GRK1: variants seen among roughly 807,000 people sequenced by gnomAD.
The protein encoded by GRK1 is rhodopsin kinase GRK1.
In GRK1, 28 loss-of-function variants were observed where a neutral mutation model predicts 41.7. The ratio of observed to expected loss-of-function variants is 0.67; its 90% confidence interval spans 0.50 to 0.92. The LOEUF is 0.92. GRK1 is among the 40% of genes least tolerant of loss of function. The probability of loss-of-function intolerance (pLI) is 0.00; values close to 1 mark genes in which losing one functional copy is unlikely to be tolerated. For synonymous variants in GRK1, 327 were observed against 286.7 expected (o/e 1.14, Z -1.42); for missense variants, 703 against 671.2 (o/e 1.05, Z -0.52).
At chr13:113,651,907 ACT>A in the GRK1 span, among the ~76,000 whole-genome samples, 1 of 152,046 alleles carries the variant, frequency 6.6e-6, no homozygotes, top group Non-Finnish European at 1.5e-5. Context: ...GGTGTCACTA[ACT>A]CATCATTCAG....
chr13:113,658,281 G>A, the GRK1 span: 2 of 759,648 alleles, frequency 2.6e-6, no homozygotes, highest in East Asian at 5.8e-5. Context: ...CCAGGGAGAG[G>A]CCAGGGCCGT....
In GRK1 at chr13:113,667,717, C is replaced by G. The variant is rs745307850; in HGVS notation, c.331C>G (p.Leu111Val). Reference sequence around the variant, plus strand: ...CCAGCCACAGAAGGCCCAGACCATCCTGGCCCAGTACCTGGACCCCCAGGC... The same window carrying G: ...CCAGCCACAGAAGGCCCAGACCATCGTGGCCCAGTACCTGGACCCCCAGGC... ...DLQPQKAQTI[L>V]AQYLDPQAKL... The change falls in exon 1 of 7, where the codon CTG (leucine) becomes GTG (valine). Residue 111 changes from leucine to valine, a missense_variant. Coordinates refer to ENST00000335678, the MANE Select transcript of GRK1 (RefSeq NM_002929.3). This position sits in a 1 kb window ranked among gnomAD's most constrained non-coding sequence, Gnocchi z 7.5. 1.9e-6 allele frequency: 3 copies of G among 1,613,790 alleles called. No homozygotes were observed. The Admixed American group carries it at 5.0e-5, about 27-fold the overall frequency.
chr13:113,671,732 C>T lies in GRK1; in HGVS notation c.985+76C>T, dbSNP rs1296002922. 1 of 697,496 alleles carries T rather than the reference C, an allele frequency of 1.4e-6. No individual in the cohort carries two copies. Among genetic ancestry groups the T allele is most frequent in the Non-Finnish European group, 2.6e-6 (1 of 382,902 alleles). The allele number at this position is 697,496 out of a possible 1,614,324, so 43.2% of individuals were successfully genotyped here. On this transcript the variant is annotated intron_variant, in intron 3 of 6. Coordinates refer to ENST00000335678, the MANE Select transcript of GRK1 (RefSeq NM_002929.3). The surrounding 1 kb of genome is among the most constrained non-coding windows in gnomAD (Gnocchi z 4.1). ...CGCAGCTTCCTTGGGGGTCTCTGCA[C>T]AACCTCACGAGGGCTGACGGCTGTG... is the stretch of plus-strand genomic sequence containing the variant.
the GRK1 span, chr13:113,654,741 G>C: frequency 1.9e-6 from 3 of 1,538,746 alleles, no homozygotes; most frequent in South Asian, 3.7e-5. Context: ...CGGGTCCCCC[G>C]GGCGTCTCCA....
At chr13:113,660,124 G>A in the GRK1 span, among the ~76,000 whole-genome samples, 16 of 152,184 alleles carry the variant, frequency 1.1e-4, no homozygotes, top group African/African-American at 2.9e-4. Flanking sequence ...CCCACAGCAT[G>A]CTCTGAAAAC....
At position 113,735,797 on chromosome 13, in the gene GRK1, G is replaced by C. The variant is rs2049999959; in HGVS notation, c.*434G>C. 1 of 155,104 alleles carries C rather than the reference G, an allele frequency of 6.4e-6. No individual in the cohort carries two copies. The highest frequency in any genetic ancestry group is 1.9e-4 in the East Asian group (1 of 5,288). 9.6% of individuals were successfully genotyped at this position (155,104 alleles called of 1,614,324 possible). A position where few individuals can be genotyped will look rare whatever the true frequency, so the allele number is the denominator to read the frequency against. ...CGGGAGGTGCACGGTGGCCAGGTCA[G>C]GGGTCAGTGAACCCTGGCCGCAGCC... On this transcript the variant is annotated 3_prime_UTR_variant, in exon 7 of 7. Coordinates refer to ENST00000335678, the MANE Select transcript of GRK1 (RefSeq NM_002929.3).
chr13:113,733,486 C>T (rs368941235), intron 6 of GRK1, among the ~76,000 whole-genome samples: 7,630 of 144,430 alleles, frequency 0.053, 592 homozygotes, highest in African/African-American at 0.17. Context: ...ATACTATGTG[C>T]GCGCGTGTGT....
At chr13:113,723,270 CTG>C (rs1203834323) in intron 4 of GRK1, 113 bp downstream of exon 4, 4 of 543,790 alleles carry the variant, frequency 7.4e-6, no homozygotes, top group African/African-American at 3.8e-5. Flanking sequence ...ATAGGTGTGT[CTG>C]TGTGCACATG....
At chr13:113,728,410 T>C (rs2049909468) in intron 4 of GRK1, among the ~76,000 whole-genome samples, 2 of 144,056 alleles carry the variant, frequency 1.4e-5, no homozygotes, top group African/African-American at 5.3e-5. Context: ...GGAGTACCCA[T>C]GGTGATGAGG....
chr13:113,736,823 A>G lies in GRK1; in HGVS notation c.*1460A>G, dbSNP rs1338136150. 1 of 152,322 alleles carries G rather than the reference A, an allele frequency of 6.6e-6. No individual in the cohort carries two copies. The highest frequency in any genetic ancestry group is 1.5e-5 in the Non-Finnish European group (1 of 68,104). 9.4% of individuals were successfully genotyped at this position (152,322 alleles called of 1,614,324 possible). A position where few individuals can be genotyped will look rare whatever the true frequency, so the allele number is the denominator to read the frequency against. On this transcript the variant is annotated 3_prime_UTR_variant, in exon 7 of 7. Coordinates refer to ENST00000335678, the MANE Select transcript of GRK1 (RefSeq NM_002929.3). ...CCTTGGGGCAGAGCTGGTGGTAGAA[A>G]GAAGCCCTGTCTACTCTAATTTGGT...
Position 113,731,070 on chromosome 13 carries a change from C to T in GRK1, c.1070-149C>T. On this transcript the variant is annotated intron_variant, in intron 4 of 6. Coordinates refer to ENST00000335678, the MANE Select transcript of GRK1 (RefSeq NM_002929.3). The surrounding 1 kb of genome is among the most constrained non-coding windows in gnomAD (Gnocchi z 5.6). Reference sequence around the variant, plus strand: ...GCACCCAGTAACACACAGGGCAGCCCCTCCACAAAGGATTTTCTGGCCCCA... The same window carrying T: ...GCACCCAGTAACACACAGGGCAGCCTCTCCACAAAGGATTTTCTGGCCCCA... The T allele has an allele frequency of 9.4e-6, 11 of 1,168,576 alleles. No individual in the cohort carries two copies. Among genetic ancestry groups the T allele is most frequent in the Non-Finnish European group, 1.3e-5 (11 of 851,576 alleles). The allele number at this position is 1,168,576 out of a possible 1,614,324, so 72.4% of individuals were successfully genotyped here. A position where few individuals can be genotyped will look rare whatever the true frequency, so the allele number is the denominator to read the frequency against.
At chr13:113,656,925 G>A in the GRK1 span, among the ~76,000 whole-genome samples, 1 of 152,070 alleles carries the variant, frequency 6.6e-6, no homozygotes, top group East Asian at 1.9e-4. Context: ...TCCCCATCCT[G>A]GCCTCCCGCT....
the GRK1 span, among the ~76,000 whole-genome samples, chr13:113,656,429 A>G: frequency 6.6e-6 from 1 of 152,152 alleles, no homozygotes; most frequent in Non-Finnish European, 1.5e-5. Flanking sequence ...CAGGCGGCTC[A>G]GCCCTGCCTC....
At position 113,723,120 on chromosome 13, in the gene GRK1, C is replaced by G; in HGVS notation, c.1032C>G (p.Asp344Glu). The change falls in exon 4 of 7, where the codon GAC (aspartate) becomes GAG (glutamate). Residue 344 changes from aspartate (D) to glutamate (E), a missense_variant. By Grantham distance (45) the Asp-to-Glu change is conservative (BLOSUM62 2). Transcript: ENST00000335678. The stretch of plus-strand genomic sequence containing the variant: ...TTGGGCTGGCCGTGGAGCTGCTGGA[C>G]GGACAGAGCAAGACCAAGGGCTACG... ...SDLGLAVELL[D>E]GQSKTKGYAG... 1 of 701,596 alleles carries G rather than the reference C, an allele frequency of 1.4e-6. No homozygotes were observed. The highest frequency in any genetic ancestry group is 2.6e-6 in the Non-Finnish European group (1 of 384,156). The allele number at this position is 701,596 out of a possible 1,614,324, so 43.5% of individuals were successfully genotyped here. A position where few individuals can be genotyped will look rare whatever the true frequency, so the allele number is the denominator to read the frequency against.
the GRK1 span, among the ~76,000 whole-genome samples, chr13:113,659,016 C>T: frequency 5.3e-5 from 8 of 152,102 alleles, no homozygotes; most frequent in Admixed American, 2.6e-4. Flanking sequence ...GGCAGTACCT[C>T]GGGGTCACCG....
chr13:113,671,685 G>A lies in GRK1; in HGVS notation c.985+29G>A, dbSNP rs1198136638. The A allele has an allele frequency of 5.5e-6, 4 of 722,510 alleles. No individual in the cohort carries two copies. Among genetic ancestry groups the A allele is most frequent in the Non-Finnish European group, 1.0e-5 (4 of 396,856 alleles). The allele number at this position is 722,510 out of a possible 1,614,324, so 44.8% of individuals were successfully genotyped here. On this transcript the variant is annotated intron_variant, in intron 3 of 6. Transcript: ENST00000335678. The surrounding 1 kb of genome is among the most constrained non-coding windows in gnomAD (Gnocchi z 4.1). ...GGAGGTGCCCTCGGCTGGGAGGGATGAGGGCTACGAGGAGGGCGGGGCGCA... is the reference window on the plus strand; with the variant it reads ...GGAGGTGCCCTCGGCTGGGAGGGATAAGGGCTACGAGGAGGGCGGGGCGCA...
intron 3 of GRK1, among the ~76,000 whole-genome samples, chr13:113,672,464 G>A (rs1445978580): frequency 0.088 from 11,954 of 136,400 alleles, 719 homozygotes; most frequent in Middle Eastern, 0.14. Context: ...TGTGTGTGGC[G>A]TATGTGTGTG....
At chr13:113,733,977 C>CATACGTGT (rs1346452611) in intron 6 of GRK1, among the ~76,000 whole-genome samples, 1 of 107,094 alleles carries the variant, frequency 9.3e-6, no homozygotes, top group Admixed American at 9.8e-5. Flanking sequence ...TGCGTGTGTG[C>CATACGTGT]GCATGTGTGT....
rs746360692 is a variant in GRK1 at position 113,667,438 on chromosome 13, G to A, written c.52G>A (p.Ala18Thr). ...TVVANSAFIA[A>T]RGSFDGSSSQ... ...GGTGGCCAACTCTGCCTTCATCGCCGCCCGAGGCAGCTTTGACGGCAGCAG... is the reference window on the plus strand; with the variant it reads ...GGTGGCCAACTCTGCCTTCATCGCCACCCGAGGCAGCTTTGACGGCAGCAG... The change falls in exon 1 of 7, where the codon GCC becomes ACC. Residue 18 changes from alanine to threonine, a missense_variant. By Grantham distance (58) the Ala-to-Thr change is moderately conservative. Coordinates refer to ENST00000335678, the MANE Select transcript of GRK1 (RefSeq NM_002929.3). This position sits in a 1 kb window ranked among gnomAD's most constrained non-coding sequence, Gnocchi z 7.5. 32 of 1,604,998 alleles carry A rather than the reference G, an allele frequency of 2.0e-5. No individual in the cohort carries two copies. Among genetic ancestry groups the A allele is most frequent in the African/African-American group, 1.6e-4 (12 of 74,808 alleles).
Sources: gnomAD v4.1 joint callset for allele counts (sites outside exome capture counted in the v4.1 genomes callset) on GRCh38, gnomAD v4.1.1 for gene constraint, Gnocchi (gnomAD v3.1) non-coding constraint, MANE v1.5 for transcripts, NCBI Gene and HGNC (gene_info 2026-07-23, HGNC 2026-07-21) for gene names.